Variants in NTAQ1 observed in about 807,000 individuals in gnomAD.
NTAQ1 encodes protein N-terminal glutamine amidohydrolase.
NTAQ1 carries 21 observed loss-of-function variants against 28.2 expected under a neutral mutation model. The ratio of observed to expected loss-of-function variants is 0.74; its 90% CI spans 0.53 to 1.07. NTAQ1 has a LOEUF of 1.07. Ranked by LOEUF, NTAQ1 falls within the 50% of genes least tolerant of loss-of-function variation. The pLI is 0.00. For synonymous variants in NTAQ1, 105 were observed against 90.0 expected, an observed-to-expected ratio of 1.17 and a Z score of -0.94; for missense variants, 264 against 256.6, an observed-to-expected ratio of 1.03 and a Z score of -0.20.
intron 1 of NTAQ1, 102 bp downstream of exon 1, chr8:123,417,034 G>T: frequency 1.7e-6 from 2 of 1,181,906 alleles, no homozygotes; most frequent in Non-Finnish European, 2.2e-6. Context: ...GGCGCTCCCG[G>T]CCTCTACCGG....
At chr8:123,449,025 C>T (rs1019752308), downstream of NTAQ1, among the ~76,000 whole-genome samples, 1 of 152,164 alleles carries the variant, frequency 6.6e-6, no homozygotes, top group Non-Finnish European at 1.5e-5. Context: ...ACGGTGCACC[C>T]TTACCTGTAC....
chr8:123,431,217 A>G (rs1047089142), intron 3 of NTAQ1, among the ~76,000 whole-genome samples: 4 of 150,956 alleles, frequency 2.6e-5, no homozygotes, highest in African/African-American at 9.7e-5. Flanking sequence ...TGTGCCTGTA[A>G]TCCCAGCTAC....
intron 5 of NTAQ1, among the ~76,000 whole-genome samples, chr8:123,441,002 G>A (rs1223693030): frequency 2.0e-5 from 3 of 151,462 alleles, no homozygotes; most frequent in East Asian, 1.9e-4. Context: ...ATGAAGTTTC[G>A]TTCCATAGAA....
intron 6 of NTAQ1, among the ~76,000 whole-genome samples, chr8:123,457,767 C>A (rs1239675407): frequency 6.6e-6 from 1 of 151,858 alleles, no homozygotes; most frequent in Non-Finnish European, 1.5e-5. Context: ...GGCGCAGTGG[C>A]TCACGCCTGT....
At chr8:123,458,886 C>G (rs13251342) in intron 6 of NTAQ1, among the ~76,000 whole-genome samples, 2,830 of 152,198 alleles carry the variant, frequency 0.019, 96 homozygotes, top group African/African-American at 0.064. Context: ...TCCCAAAGTG[C>G]TGGGATTACA....
chr8:123,419,111 T>C (rs111623343), intron 1 of NTAQ1, among the ~76,000 whole-genome samples: 3,408 of 81,604 alleles, frequency 0.042, 183 homozygotes, highest in African/African-American at 0.14. Flanking sequence ...TTTTTTTTTT[T>C]TTTTTGAGAC....
At position 123,437,276 on chromosome 8, in the gene NTAQ1, A is replaced by C. The variant is rs1269073979; in HGVS notation, c.450A>C (p.Lys150Asn). 6.2e-7 allele frequency: 1 copy of C among 1,614,202 alleles called. No homozygotes were observed. Residue 150 changes from lysine (K) to asparagine (N), a missense_variant, in exon 5 of 6, where the codon AAA (lysine) becomes AAC (asparagine). Physicochemically the swap from Lys to Asn is moderately conservative, Grantham distance 94 (BLOSUM62 0). Coordinates refer to ENST00000287387, the MANE Select transcript of NTAQ1 (RefSeq NM_018024.3). ...TTGCTTCTGACCGATCTCACATGAA[A>C]GACTCCAGTGGGAATTGGAGAGAGC... Reference protein sequence around the residue: ...KNFASDRSHMKDSSGNWREPP... With the variant: ...KNFASDRSHMNDSSGNWREPP...
chr8:123,468,414 T>G (rs1816006358), exon 7 of NTAQ1, among the ~76,000 whole-genome samples: 1 of 152,210 alleles, frequency 6.6e-6, no homozygotes, highest in African/African-American at 2.4e-5. Context: ...CTACTTTCTG[T>G]TTCTATCAGT....
chr8:123,474,111 A>G (rs76197875), downstream of NTAQ1, among the ~76,000 whole-genome samples: 2,685 of 152,332 alleles, frequency 0.018, 70 homozygotes, highest in African/African-American at 0.061. Context: ...AACATCTTAC[A>G]TAAGCACAGT....
chr8:123,471,617 A>C (rs575921290), downstream of NTAQ1, among the ~76,000 whole-genome samples: 1 of 152,144 alleles, frequency 6.6e-6, no homozygotes, highest in Non-Finnish European at 1.5e-5. Flanking sequence ...CAGGCTTGAG[A>C]CCCAGGGAGA....
intron 6 of NTAQ1, among the ~76,000 whole-genome samples, chr8:123,454,234 G>C (rs942362757): frequency 3.0e-4 from 45 of 152,230 alleles, no homozygotes; most frequent in African/African-American, 1.1e-3. Flanking sequence ...TGCTTGCTAC[G>C]TGAATCCAAA....
At chr8:123,427,850 A>G in intron 1 of NTAQ1, 74 bp from the exon 2 acceptor site, 5 of 1,244,552 alleles carry the variant, frequency 4.0e-6, no homozygotes, top group South Asian at 2.7e-5. Flanking sequence ...TGATGTCATC[A>G]TCAGTATTTT....
downstream of NTAQ1, among the ~76,000 whole-genome samples, chr8:123,449,929 A>ATGTGTGTG (rs368162793): frequency 0.035 from 2,364 of 66,676 alleles, 274 homozygotes; most frequent in Non-Finnish European, 0.049. Context: ...GTATATATAT[A>ATGTGTGTG]TGTGTGTGTG....
chr8:123,462,072 G>T (rs1334887038), intron 6 of NTAQ1, among the ~76,000 whole-genome samples: 1 of 152,064 alleles, frequency 6.6e-6, no homozygotes, highest in Non-Finnish European at 1.5e-5. Flanking sequence ...TTTTAAGACA[G>T]TCTCGCTGTG....
intron 6 of NTAQ1, among the ~76,000 whole-genome samples, chr8:123,454,439 G>T (rs866396816): frequency 6.6e-6 from 1 of 152,088 alleles, no homozygotes; most frequent in Non-Finnish European, 1.5e-5. Context: ...TGCGATCTCA[G>T]CTCACCACAA....
intron 6 of NTAQ1, among the ~76,000 whole-genome samples, chr8:123,462,528 A>G (rs1404388774): frequency 6.6e-6 from 1 of 152,180 alleles, no homozygotes; most frequent in Non-Finnish European, 1.5e-5. Flanking sequence ...GAAGGAGATG[A>G]TAATAATTGA....
chr8:123,455,155 T>A (rs1815611032), intron 6 of NTAQ1: 1 of 152,218 alleles, frequency 6.6e-6, no homozygotes, highest in Non-Finnish European at 1.5e-5. Flanking sequence ...ATGCCATAGC[T>A]CAGCCTTGGT....
At chr8:123,449,893 A>C (rs866081323), downstream of NTAQ1, among the ~76,000 whole-genome samples, 493 of 82,350 alleles carry the variant, frequency 6.0e-3, no homozygotes, top group African/African-American at 9.7e-3. Context: ...CTCTCTCTCT[A>C]TCTCTCCATA....
At chr8:123,464,781 C>T (rs2130435573) in intron 6 of NTAQ1, among the ~76,000 whole-genome samples, 1 of 152,246 alleles carries the variant, frequency 6.6e-6, no homozygotes, top group East Asian at 1.9e-4. Flanking sequence ...GGCACTGTGG[C>T]TCACGCCTGT....
Sources: gnomAD v4.1 joint callset for allele counts (sites outside exome capture counted in the v4.1 genomes callset) on GRCh38, gnomAD v4.1.1 for gene constraint, MANE v1.5 for transcripts, NCBI Gene and HGNC (gene_info 2026-07-23, HGNC 2026-07-21) for gene names.